Variants in CCNY observed in about 807,000 individuals in gnomAD.
CCNY encodes the protein cyclin-Y.
Under a neutral mutation model 42.8 loss-of-function variants are expected in CCNY, and 19 were observed. The observed-to-expected ratio is 0.44, with a 90% CI of 0.31 to 0.65. The LOEUF is 0.65. Among genes scored for constraint, CCNY ranks in the 30% least tolerant of loss-of-function variants. The pLI, the probability that CCNY is intolerant of heterozygous loss-of-function variation, is 0.07. For synonymous variants in CCNY, 165 were observed against 162.7 expected, an observed-to-expected ratio of 1.01 and a Z score of -0.11; for missense variants, 370 against 437.3, an observed-to-expected ratio of 0.85 and a Z score of 1.37.
At chr10:35,503,093 C>A (rs928276100) in intron 3 of CCNY, among the ~76,000 whole-genome samples, 1 of 151,926 alleles carries the variant, frequency 6.6e-6, no homozygotes, top group East Asian at 1.9e-4. Context: ...GCACGCCCCA[C>A]CCCCCCAACA....
rs112621944 is a variant in CCNY at position 35,472,679 on chromosome 10, T to C, written c.155-10725T>C. On this transcript the variant is annotated intron_variant, in intron 1 of 9. Transcript: ENST00000374704. ...AACCTCTCAGTATATACTCGTGACATCTAATGAAATGCTAATTTATCCTAT... is the reference window on the plus strand; with the variant it reads ...AACCTCTCAGTATATACTCGTGACACCTAATGAAATGCTAATTTATCCTAT... Among the ~76,000 whole-genome samples, 5 of 152,318 alleles carry C rather than the reference T, an allele frequency of 3.3e-5. No individual in the cohort carries two copies. The East Asian group carries it at 9.6e-4, about 29-fold the overall frequency.
chr10:35,364,113 T>A (rs778071429), intron 1 of CCNY, among the ~76,000 whole-genome samples: 1 of 152,172 alleles, frequency 6.6e-6, no homozygotes, highest in Non-Finnish European at 1.5e-5. Context: ...GTCAAAGAGA[T>A]GATGGAAGGA....
At chr10:35,350,778 CT>C (rs1836413318) in intron 1 of CCNY, among the ~76,000 whole-genome samples, 3 of 152,188 alleles carry the variant, frequency 2.0e-5, no homozygotes, top group Admixed American at 2.0e-4. Flanking sequence ...AGGTGCACTG[CT>C]GCTGGATTGA....
intron 3 of CCNY, among the ~76,000 whole-genome samples, chr10:35,303,315 G>A (rs972791294): frequency 6.6e-6 from 1 of 151,714 alleles, no homozygotes; most frequent in African/African-American, 2.4e-5. Context: ...CGAGTAGCTG[G>A]GATTACAGGC....
intron 1 of CCNY, among the ~76,000 whole-genome samples, chr10:35,401,444 C>A (rs1409025947): frequency 1.3e-5 from 2 of 152,104 alleles, no homozygotes; most frequent in African/African-American, 2.4e-5. Flanking sequence ...CCTTCTTAAA[C>A]AGCTATAACA....
At chr10:35,282,114 C>CT (rs3066487) in intron 3 of CCNY, among the ~76,000 whole-genome samples, 1,549 of 87,890 alleles carry the variant, frequency 0.018, 18 homozygotes, top group Non-Finnish European at 0.024. Flanking sequence ...CATCTACACC[C>CT]TTTTTTTTTT....
chr10:35,422,450 C>T (rs1355393114), intron 1 of CCNY, among the ~76,000 whole-genome samples: 1 of 152,142 alleles, frequency 6.6e-6, no homozygotes, highest in East Asian at 1.9e-4. Context: ...CCTGCGTTTC[C>T]CTGTCTTGTA....
At position 35,386,544 on chromosome 10, in the gene CCNY, ATACTT is replaced by A. The variant is rs1837303262; in HGVS notation, c.154+49340_154+49344del. On this transcript the variant is annotated intron_variant, in intron 1 of 9. Coordinates refer to ENST00000374704, the MANE Select transcript of CCNY (RefSeq NM_145012.6). ...TGTCAGTTTCCATTATAAAAATACT[ATACTT>A]TATTATTGGCTTTTACAATATGAGA... is the stretch of plus-strand genomic sequence containing the variant. Among the ~76,000 whole-genome samples the A allele has an allele frequency of 1.3e-5, 2 of 152,316 alleles. 1 individual carries two copies.
At chr10:35,283,881 C>T (rs1181969611) in intron 3 of CCNY, among the ~76,000 whole-genome samples, 2 of 152,142 alleles carry the variant, frequency 1.3e-5, no homozygotes, top group South Asian at 2.1e-4. Flanking sequence ...GTCAGGAGTT[C>T]GAGACCAGCC....
chr10:35,298,351 GC>G (rs1835495395), intron 3 of CCNY, among the ~76,000 whole-genome samples: 1 of 152,078 alleles, frequency 6.6e-6, no homozygotes, highest in African/African-American at 2.4e-5. Flanking sequence ...TGACTGATTT[GC>G]TTTGTGTCAC....
intron 1 of CCNY, among the ~76,000 whole-genome samples, chr10:35,348,864 C>G (rs1836365850): frequency 6.6e-6 from 1 of 151,754 alleles, no homozygotes; most frequent in African/African-American, 2.4e-5. Context: ...CTGAGAGAAA[C>G]AGTTGTTGAA....
intron 3 of CCNY, among the ~76,000 whole-genome samples, chr10:35,279,315 T>C (rs1054636877): frequency 2.6e-5 from 4 of 152,068 alleles, no homozygotes; most frequent in African/African-American, 9.7e-5. Context: ...GGTTTCACCA[T>C]GTTGGCCAGT....
chr10:35,417,365 C>T (rs1185429982), intron 1 of CCNY, among the ~76,000 whole-genome samples: 3 of 152,204 alleles, frequency 2.0e-5, no homozygotes, highest in Non-Finnish European at 4.4e-5. Context: ...AGTCTCAGCT[C>T]TTGATTCACC....
chr10:35,309,501 C>T (rs1368515443), intron 3 of CCNY, among the ~76,000 whole-genome samples: 4 of 152,164 alleles, frequency 2.6e-5, no homozygotes, highest in Non-Finnish European at 1.5e-5. Flanking sequence ...AAGCTCTCTG[C>T]AGCCTCGAAC....
intron 3 of CCNY, among the ~76,000 whole-genome samples, chr10:35,301,950 TTTTATTTATTTA>T (rs151028182): frequency 1.2e-5 from 1 of 81,428 alleles, no homozygotes; most frequent in African/African-American, 3.5e-5. Flanking sequence ...TTATTTTTTA[TTTTATTTATTTA>T]TTTATTTATT....
chr10:35,303,923 C>T (rs1156814067), intron 3 of CCNY, among the ~76,000 whole-genome samples: 1 of 151,996 alleles, frequency 6.6e-6, no homozygotes, highest in Non-Finnish European at 1.5e-5. Context: ...AACAAGAGCA[C>T]AGATTACGAT....
intron 7 of CCNY, among the ~76,000 whole-genome samples, chr10:35,537,049 G>A (rs769261246): frequency 3.3e-5 from 5 of 152,132 alleles, no homozygotes; most frequent in Non-Finnish European, 7.4e-5. Context: ...CTGGGCCCAC[G>A]GTTCCTGTGC....
At chr10:35,429,905 C>T (rs1228706665) in intron 1 of CCNY, among the ~76,000 whole-genome samples, 4 of 152,216 alleles carry the variant, frequency 2.6e-5, no homozygotes, top group African/African-American at 4.8e-5. Flanking sequence ...ATTTGACTTA[C>T]AGTTCAGTAG....
chr10:35,411,408 G>A (rs1837901208), intron 1 of CCNY, among the ~76,000 whole-genome samples: 1 of 150,178 alleles, frequency 6.7e-6, no homozygotes, highest in Non-Finnish European at 1.5e-5. Flanking sequence ...GGCTACTTGG[G>A]GATTCTCCTG....
Sources: allele counts gnomAD v4.1 joint callset (sites outside exome capture counted in the v4.1 genomes callset), GRCh38; gene constraint gnomAD v4.1.1; transcripts MANE v1.5; gene names NCBI Gene and HGNC (gene_info 2026-07-23, HGNC 2026-07-21).